B3GALT1: variants seen among roughly 807,000 people sequenced by gnomAD.
The protein encoded by B3GALT1 is beta-1,3-galactosyltransferase 1, also known as UDP-Gal:betaGlcNAc beta 1,3-galactosyltransferase, polypeptide 1.
In B3GALT1, 10 loss-of-function variants were observed where a neutral mutation model predicts 23.2. The ratio of observed to expected loss-of-function variants is 0.43; its 90% CI spans 0.27 to 0.73. The LOEUF is 0.73. Ranked by LOEUF, B3GALT1 falls within the 30% of genes least tolerant of loss-of-function variation. The pLI is 0.21. For missense variants in B3GALT1, 299 were observed against 405.4 expected, an observed-to-expected ratio of 0.74 and a Z score of 2.25; for synonymous variants, 156 against 141.5, an observed-to-expected ratio of 1.10 and a Z score of -0.73.
At chr2:167,650,964 C>G (rs747018434) in intron 3 of B3GALT1, among the ~76,000 whole-genome samples, 1 of 151,988 alleles carries the variant, frequency 6.6e-6, no homozygotes, top group Non-Finnish European at 1.5e-5. Context: ...ATAAATGCTC[C>G]TTAATTATGT....
intron 1 of B3GALT1, among the ~76,000 whole-genome samples, chr2:167,393,233 C>T (rs1005868457): frequency 8.7e-6 from 1 of 114,874 alleles, no homozygotes; most frequent in Non-Finnish European, 1.8e-5. Context: ...GACTCCGTCT[C>T]AAAAGAAAAA....
intron 1 of B3GALT1, among the ~76,000 whole-genome samples, chr2:167,439,305 A>C (rs1698839694): frequency 1.3e-5 from 2 of 152,182 alleles, no homozygotes; most frequent in South Asian, 4.1e-4. Flanking sequence ...TATCATCTTA[A>C]GCCACATCAA....
chr2:167,576,256 CT>C (rs1250177688), intron 2 of B3GALT1, among the ~76,000 whole-genome samples: 2 of 151,682 alleles, frequency 1.3e-5, no homozygotes, highest in African/African-American at 4.8e-5. Context: ...AAGAAATGTG[CT>C]TTTCTATTAC....
intron 2 of B3GALT1, among the ~76,000 whole-genome samples, chr2:167,494,167 CA>C (rs1302508377): frequency 3.3e-5 from 5 of 151,508 alleles, no homozygotes; most frequent in Non-Finnish European, 7.4e-5. Context: ...GAGAGACTAG[CA>C]AAAAATTGTG....
chr2:167,853,889 A>G (rs189009093), intron 4 of B3GALT1, among the ~76,000 whole-genome samples: 167 of 152,292 alleles, frequency 1.1e-3, no homozygotes, highest in Non-Finnish European at 2.0e-3. Context: ...AGAGATAATC[A>G]GTTGTCATCC....
chr2:167,736,866 G>A (rs13406507), intron 3 of B3GALT1, among the ~76,000 whole-genome samples: 26,329 of 151,990 alleles, frequency 0.17, 2,371 homozygotes, highest in South Asian at 0.2. Flanking sequence ...CCTGGGAGGC[G>A]GAGGTTGCAG....
At chr2:167,809,221 G>A (rs1349841735) in intron 3 of B3GALT1, among the ~76,000 whole-genome samples, 1 of 152,094 alleles carries the variant, frequency 6.6e-6, no homozygotes, top group African/African-American at 2.4e-5. Flanking sequence ...TCTTTGCCAT[G>A]GGTTCGAAAT....
chr2:167,447,249 G>A (rs532018525), intron 1 of B3GALT1, among the ~76,000 whole-genome samples: 9 of 152,318 alleles, frequency 5.9e-5, no homozygotes, highest in East Asian at 3.9e-4. Context: ...GCACCTGGCC[G>A]TGTGAGGTGT....
At chr2:167,522,766 G>A (rs914792417) in intron 2 of B3GALT1, among the ~76,000 whole-genome samples, 1 of 152,054 alleles carries the variant, frequency 6.6e-6, no homozygotes, top group African/African-American at 2.4e-5. Flanking sequence ...AAAATAAAAT[G>A]GTTTTCCTTA....
At chr2:167,396,662 CA>C (rs1299040339) in intron 1 of B3GALT1, among the ~76,000 whole-genome samples, 1 of 151,256 alleles carries the variant, frequency 6.6e-6, no homozygotes, top group Admixed American at 6.6e-5. Flanking sequence ...AGCCTTTACC[CA>C]TTGATACTGT....
At chr2:167,513,420 G>A (rs1574112311) in intron 2 of B3GALT1, among the ~76,000 whole-genome samples, 1 of 152,214 alleles carries the variant, frequency 6.6e-6, no homozygotes, top group Middle Eastern at 3.4e-3. Context: ...AGGCCATTTT[G>A]CTTTAATGTG....
intron 2 of B3GALT1, among the ~76,000 whole-genome samples, chr2:167,538,879 T>C (rs1683482058): frequency 6.6e-6 from 1 of 152,088 alleles, no homozygotes; most frequent in Non-Finnish European, 1.5e-5. Context: ...TGATAGGTAA[T>C]ACAGTGTTTA....
At chr2:167,762,958 CATT>C (rs1030417287) in intron 3 of B3GALT1, among the ~76,000 whole-genome samples, 3 of 152,152 alleles carry the variant, frequency 2.0e-5, no homozygotes, top group African/African-American at 7.2e-5. Flanking sequence ...AAACAGTTAC[CATT>C]ATTCTTGCCC....
chr2:167,465,027 C>A (rs1699323102), intron 1 of B3GALT1, among the ~76,000 whole-genome samples: 1 of 152,116 alleles, frequency 6.6e-6, no homozygotes, highest in African/African-American at 2.4e-5. Context: ...GGCATCCTCA[C>A]AAGTTACTTT....
At chr2:167,492,591 C>G (rs1181891018) in intron 2 of B3GALT1, among the ~76,000 whole-genome samples, 25 of 152,192 alleles carry the variant, frequency 1.6e-4, no homozygotes, top group Admixed American at 1.6e-3. Flanking sequence ...TGCATTCCCA[C>G]CAGCACTGAA....
At chr2:167,558,944 T>C (rs1344847357) in intron 2 of B3GALT1, among the ~76,000 whole-genome samples, 3 of 152,204 alleles carry the variant, frequency 2.0e-5, no homozygotes, top group African/African-American at 7.2e-5. Flanking sequence ...CTGACAGCTT[T>C]GAAGAGAGCA....
At chr2:167,744,415 T>C (rs1000333771) in intron 3 of B3GALT1, among the ~76,000 whole-genome samples, 1 of 152,216 alleles carries the variant, frequency 6.6e-6, no homozygotes, top group African/African-American at 2.4e-5. Context: ...ACTATTATTA[T>C]AGATCTCTCA....
chr2:167,857,973 A>G (rs1007555569), intron 4 of B3GALT1, among the ~76,000 whole-genome samples: 2 of 152,206 alleles, frequency 1.3e-5, no homozygotes, highest in African/African-American at 2.4e-5. Context: ...ACAAAATCAC[A>G]AAGTTATATT....
At chr2:167,668,294 G>C (rs932545021) in intron 3 of B3GALT1, among the ~76,000 whole-genome samples, 1 of 152,094 alleles carries the variant, frequency 6.6e-6, no homozygotes, top group African/African-American at 2.4e-5. Context: ...CACTTGAGGA[G>C]GCAGTTTGCC....
Sources: allele counts gnomAD v4.1 joint callset (sites outside exome capture counted in the v4.1 genomes callset), GRCh38; gene constraint gnomAD v4.1.1; transcripts MANE v1.5; gene names NCBI Gene and HGNC (gene_info 2026-07-23, HGNC 2026-07-21).